Variants in SUSD1 observed in about 807,000 individuals in gnomAD.
SUSD1 encodes the protein sushi domain-containing protein 1.
In SUSD1, 65 loss-of-function variants were observed where a neutral mutation model predicts 86.9. The ratio of observed to expected loss-of-function variants is 0.75; its 90% CI spans 0.61 to 0.92. The LOEUF (loss-of-function observed/expected upper bound fraction) is 0.92. SUSD1 is among the 40% of genes least tolerant of loss of function. The pLI is 0.00. For missense variants in SUSD1, 850 were observed against 929.7 expected (o/e 0.91, Z 1.11); for synonymous variants, 346 against 350.0 (o/e 0.99, Z 0.13).
At chr9:112,138,255 A>ATACACATATATATATATATATATGTG (rs1832383872) in intron 5 of SUSD1, among the ~76,000 whole-genome samples, 4 of 101,028 alleles carry the variant, frequency 4.0e-5, no homozygotes, top group African/African-American at 1.3e-4. Context: ...ATATATATAT[A>ATACACATATATATATATATATATGTG]TGTGTATATA....
chr9:112,166,864 A>C (rs1445720631), intron 1 of SUSD1, among the ~76,000 whole-genome samples: 1 of 152,148 alleles, frequency 6.6e-6, no homozygotes, highest in East Asian at 1.9e-4. Context: ...AGAAACAGGA[A>C]AGTTGAAGAA....
chr9:112,102,280 C>A lies in SUSD1; in HGVS notation c.1177G>T (p.Asp393Tyr). ...AAACTTCCATCATCTTCTAAGAGAT[C>A]AACTTCTAAAAGACAAGAGAGAGAG... ...AVIGFQTAEV[D>Y]LLEDDGSFNI... Residue 393 changes from aspartate (D) to tyrosine (Y), a missense_variant, in exon 9 of 17, where the codon GAT becomes TAT. Transcript: ENST00000374270. 1.3e-6 allele frequency: 2 copies of A among 1,541,500 alleles called. No homozygotes were observed. Among genetic ancestry groups the A allele is most frequent in the Admixed American group, 1.8e-5 (1 of 54,188 alleles).
At chr9:112,117,214 C>T (rs1439319283) in intron 6 of SUSD1, among the ~76,000 whole-genome samples, 1 of 152,202 alleles carries the variant, frequency 6.6e-6, no homozygotes, top group African/African-American at 2.4e-5. Context: ...CCTCCTCATC[C>T]CCTAGCCAAG....
At chr9:112,094,304 A>T (rs1023978755) in intron 10 of SUSD1, among the ~76,000 whole-genome samples, 1 of 152,178 alleles carries the variant, frequency 6.6e-6, no homozygotes, top group African/African-American at 2.4e-5. Flanking sequence ...TTCTCTTTAT[A>T]TTGTTTGGAA....
At chr9:112,050,673 G>T (rs1455092279) in intron 15 of SUSD1, among the ~76,000 whole-genome samples, 3 of 152,128 alleles carry the variant, frequency 2.0e-5, no homozygotes, top group African/African-American at 4.8e-5. Flanking sequence ...CTGTTGCTAG[G>T]ACCCACAAAC....
intron 1 of SUSD1, among the ~76,000 whole-genome samples, chr9:112,163,209 GCAA>G (rs1833642693): frequency 6.6e-6 from 1 of 152,138 alleles, no homozygotes; most frequent in Admixed American, 6.5e-5. Flanking sequence ...AGGCTGGAGT[GCAA>G]TGGTGTGACG....
At chr9:112,100,022 G>C (rs908680748) in intron 9 of SUSD1, among the ~76,000 whole-genome samples, 1 of 152,150 alleles carries the variant, frequency 6.6e-6, no homozygotes, top group Non-Finnish European at 1.5e-5. Flanking sequence ...TCCACGGTCT[G>C]GCAGTCCCCT....
rs765865850 is a variant in SUSD1, at chr9:112,098,672, G to T, written c.1282-10C>A. The T allele has an allele frequency of 1.7e-5, 28 of 1,613,768 alleles. No homozygotes were observed. The highest frequency in any genetic ancestry group is 2.3e-5 in the Non-Finnish European group (27 of 1,179,724). On this transcript the variant is annotated splice_polypyrimidine_tract_variant and intron_variant, in intron 9 of 16. Transcript: ENST00000374270. ...GACCCAGAACGGTAAACTGTCATGA[G>T]ATTAAAAGAAAGTGTTACATTAGAT...
intron 14 of SUSD1, among the ~76,000 whole-genome samples, chr9:112,057,154 G>A (rs987193265): frequency 8.5e-5 from 13 of 152,164 alleles, no homozygotes; most frequent in African/African-American, 3.1e-4. Context: ...CCCACCACGT[G>A]AGGACACTGT....
chr9:112,103,079 C>A, intron 8 of SUSD1: 3 of 406,468 alleles, frequency 7.4e-6, no homozygotes, highest in South Asian at 3.8e-5. Context: ...TGTTTTCTAC[C>A]AATGAGAAAG....
intron 1 of SUSD1, among the ~76,000 whole-genome samples, chr9:112,160,449 C>G (rs992547171): frequency 6.6e-6 from 1 of 152,142 alleles, no homozygotes; most frequent in African/African-American, 2.4e-5. Context: ...TAGGCTGAGG[C>G]AAGAGAATCG....
chr9:112,167,760 A>G (rs541815930), intron 1 of SUSD1, among the ~76,000 whole-genome samples: 75 of 152,350 alleles, frequency 4.9e-4, no homozygotes, highest in African/African-American at 1.8e-3. Context: ...ATGAGTGTAT[A>G]TTAGTCTTTC....
intron 1 of SUSD1, among the ~76,000 whole-genome samples, chr9:112,160,074 GA>G (rs1462717733): frequency 1.3e-5 from 2 of 151,644 alleles, no homozygotes; most frequent in South Asian, 4.2e-4. Flanking sequence ...TAAGAAACCT[GA>G]AAAAAGGAAA....
At chr9:112,091,371 A>T (rs954152245) in intron 10 of SUSD1, among the ~76,000 whole-genome samples, 3 of 152,160 alleles carry the variant, frequency 2.0e-5, no homozygotes, top group African/African-American at 7.2e-5. Flanking sequence ...GTCCACATAG[A>T]TCTCAAATTA....
intron 13 of SUSD1, 62 bp from the exon 14 acceptor site, chr9:112,058,748 A>G (rs1828571214): frequency 1.3e-6 from 2 of 1,572,238 alleles, no homozygotes; most frequent in Non-Finnish European, 1.7e-6. Context: ...TCATTCATTC[A>G]TATTTATTGA....
chr9:112,064,874 T>G (rs1291591305), intron 12 of SUSD1, among the ~76,000 whole-genome samples: 1 of 135,138 alleles, frequency 7.4e-6, no homozygotes, highest in Admixed American at 7.4e-5. Flanking sequence ...AGACTCTGTC[T>G]CAGAAAAAAA....
chr9:112,108,098 T>C (rs1203315237), intron 8 of SUSD1, among the ~76,000 whole-genome samples: 1 of 152,224 alleles, frequency 6.6e-6, no homozygotes, highest in Non-Finnish European at 1.5e-5. Context: ...AGAAAAAATC[T>C]ACCACTGTAT....
At chr9:112,154,759 G>A (rs148265731) in intron 2 of SUSD1, among the ~76,000 whole-genome samples, 169 of 152,204 alleles carry the variant, frequency 1.1e-3, no homozygotes, top group African/African-American at 3.8e-3. Flanking sequence ...TTGCAGAGGC[G>A]TCTAGAATTC....
chr9:112,084,238 A>T (rs548539871), intron 10 of SUSD1, among the ~76,000 whole-genome samples: 1 of 152,340 alleles, frequency 6.6e-6, no homozygotes, highest in African/African-American at 2.4e-5. Flanking sequence ...AGGGAAAAAA[A>T]ATACCCAAAT....
Sources: gnomAD v4.1 joint callset for allele counts (sites outside exome capture counted in the v4.1 genomes callset) on GRCh38, gnomAD v4.1.1 for gene constraint, MANE v1.5 for transcripts, NCBI Gene and HGNC (gene_info 2026-07-23, HGNC 2026-07-21) for gene names.